The following CEP112 variants were observed in gnomAD, a reference collection of about 807,000 sequenced individuals.
CEP112 encodes centrosomal protein of 112 kDa.
CEP112 carries 127 observed loss-of-function variants against 153.0 expected under a neutral mutation model. The ratio of observed to expected loss-of-function variants is 0.83; its 90% CI spans 0.72 to 0.96. The LOEUF is 0.96. Ranked by LOEUF, CEP112 falls within the 40% of genes least tolerant of loss-of-function variation. The pLI is 0.00. For missense variants in CEP112, 1,089 were observed against 1,101.2 expected, an observed-to-expected ratio of 0.99 and a Z score of 0.16; for synonymous variants, 358 against 374.4, an observed-to-expected ratio of 0.96 and a Z score of 0.51.
intron 17 of CEP112, among the ~76,000 whole-genome samples, chr17:65,998,989 A>G (rs748180007): frequency 2.0e-5 from 3 of 152,148 alleles, no homozygotes; most frequent in Non-Finnish European, 4.4e-5. Context: ...AAATACTTTT[A>G]TATCTAGTAT....
chr17:65,950,162 G>A (rs769424298), intron 18 of CEP112, among the ~76,000 whole-genome samples: 2 of 152,058 alleles, frequency 1.3e-5, no homozygotes, highest in Non-Finnish European at 2.9e-5. Flanking sequence ...AGGCCTTCAT[G>A]AATTTCTATC....
intron 4 of CEP112, among the ~76,000 whole-genome samples, chr17:66,155,506 T>C (rs893554427): frequency 6.6e-6 from 1 of 151,770 alleles, no homozygotes; most frequent in African/African-American, 2.4e-5. Context: ...GGTTTTTTTT[T>C]TTTCATACCC....
At chr17:65,809,518 G>T (rs2055823589) in intron 21 of CEP112, among the ~76,000 whole-genome samples, 1 of 152,184 alleles carries the variant, frequency 6.6e-6, no homozygotes, top group South Asian at 2.1e-4. Flanking sequence ...TGACAGACGT[G>T]ATGGGAAGTG....
At chr17:65,752,557 T>C (rs1438924841) in intron 21 of CEP112, among the ~76,000 whole-genome samples, 1 of 152,122 alleles carries the variant, frequency 6.6e-6, no homozygotes, top group Non-Finnish European at 1.5e-5. Flanking sequence ...ATTCCACCTC[T>C]CCAGAGAACA....
chr17:65,795,476 C>A (rs891104702), intron 21 of CEP112, among the ~76,000 whole-genome samples: 4 of 152,102 alleles, frequency 2.6e-5, no homozygotes, highest in African/African-American at 9.7e-5. Context: ...CTAGACTACC[C>A]CTGGTTTCTT....
At chr17:65,811,515 G>A (rs113045443) in intron 21 of CEP112, among the ~76,000 whole-genome samples, 61 of 152,292 alleles carry the variant, frequency 4.0e-4, no homozygotes, top group African/African-American at 1.4e-3. Flanking sequence ...TCATACCCCT[G>A]AACAGGTGGC....
intron 9 of CEP112, among the ~76,000 whole-genome samples, chr17:66,067,124 T>C (rs2067153455): frequency 1.3e-5 from 2 of 152,136 alleles, no homozygotes; most frequent in South Asian, 4.1e-4. Context: ...TTTTTGTGTA[T>C]GTCCATGTTA....
chr17:65,833,198 G>A (rs541277029), intron 21 of CEP112, among the ~76,000 whole-genome samples: 1 of 152,152 alleles, frequency 6.6e-6, no homozygotes, highest in East Asian at 1.9e-4. Context: ...GGCATTAAAG[G>A]ACCATACCTC....
At chr17:65,788,279 A>G (rs1454338189) in intron 21 of CEP112, among the ~76,000 whole-genome samples, 1 of 152,190 alleles carries the variant, frequency 6.6e-6, no homozygotes, top group African/African-American at 2.4e-5. Context: ...ATGTATAAAC[A>G]TTTTTATGTA....
intron 24 of CEP112, among the ~76,000 whole-genome samples, chr17:65,643,644 A>G (rs7211088): frequency 0.14 from 21,589 of 152,066 alleles, 1,936 homozygotes; most frequent in East Asian, 0.48. Context: ...GTGGAGCGTT[A>G]GCAACAGGTT....
chr17:65,803,543 A>G (rs551211360), intron 21 of CEP112, among the ~76,000 whole-genome samples: 1 of 152,262 alleles, frequency 6.6e-6, no homozygotes, highest in Non-Finnish European at 1.5e-5. Context: ...ATGAACATAC[A>G]TCTAGCAAGG....
intron 4 of CEP112, among the ~76,000 whole-genome samples, chr17:66,163,701 A>C (rs1189047682): frequency 1.3e-5 from 2 of 152,198 alleles, no homozygotes; most frequent in African/African-American, 4.8e-5. Context: ...AAACTTAAAA[A>C]TAAAAACAAA....
intron 21 of CEP112, among the ~76,000 whole-genome samples, chr17:65,849,006 A>G (rs190235334): frequency 6.6e-6 from 1 of 152,096 alleles, no homozygotes; most frequent in South Asian, 2.1e-4. Flanking sequence ...GAATCACTGG[A>G]ATCTTGACAC....
chr17:65,873,517 C>T (rs1437648540), intron 20 of CEP112: 1 of 152,146 alleles, frequency 6.6e-6, no homozygotes, highest in African/African-American at 2.4e-5. Context: ...AGCTATCCAG[C>T]TTCTATTCTC....
intron 18 of CEP112, among the ~76,000 whole-genome samples, chr17:65,934,683 G>A (rs1439985106): frequency 1.3e-5 from 2 of 152,150 alleles, no homozygotes; most frequent in African/African-American, 4.8e-5. Context: ...TAAAAGCGAA[G>A]GGATAGAAAA....
chr17:65,992,828 A>G (rs570195108), intron 17 of CEP112, among the ~76,000 whole-genome samples: 3 of 152,348 alleles, frequency 2.0e-5, no homozygotes, highest in East Asian at 3.9e-4. Flanking sequence ...AATCCCATAC[A>G]AGACCAATTT....
At chr17:65,701,192 G>A (rs1211671239) in intron 23 of CEP112, among the ~76,000 whole-genome samples, 5 of 152,134 alleles carry the variant, frequency 3.3e-5, no homozygotes, top group Admixed American at 6.5e-5. Flanking sequence ...TGCATGTGCC[G>A]GGATGGCAGC....
intron 21 of CEP112, among the ~76,000 whole-genome samples, chr17:65,806,257 A>G (rs558760868): frequency 1.3e-5 from 2 of 152,370 alleles, no homozygotes; most frequent in African/African-American, 4.8e-5. Context: ...GTAATAATAA[A>G]TCATAAGGAT....
intron 21 of CEP112, among the ~76,000 whole-genome samples, chr17:65,822,335 C>T (rs140688856): frequency 1.4e-4 from 22 of 152,100 alleles, no homozygotes; most frequent in African/African-American, 4.1e-4. Context: ...TCCAGGACTC[C>T]GGTGATACCA....
Sources: gnomAD v4.1 joint callset for allele counts (sites outside exome capture counted in the v4.1 genomes callset) on GRCh38, gnomAD v4.1.1 for gene constraint, MANE v1.5 for transcripts, NCBI Gene and HGNC (gene_info 2026-07-23, HGNC 2026-07-21) for gene names.